The following TTLL5 variants were observed in gnomAD, a reference collection of about 807,000 sequenced individuals.
TTLL5 encodes tubulin polyglutamylase TTLL5.
A neutral mutation model predicts 168.4 loss-of-function variants in TTLL5; 132 were observed. That is an observed-to-expected ratio of 0.78 (90% confidence interval 0.68 to 0.91). The LOEUF is 0.91. Ranked by LOEUF, TTLL5 falls within the 40% of genes least tolerant of loss-of-function variation. TTLL5 has a pLI of 0.00. For synonymous variants in TTLL5, 546 were observed against 558.6 expected (o/e 0.98, Z 0.32); for missense variants, 1,545 against 1,581.5 (o/e 0.98, Z 0.39).
At position 75,707,629 on chromosome 14, in the gene TTLL5, A is replaced by C; in HGVS notation, c.662A>C (p.Lys221Thr). The stretch of plus-strand genomic sequence containing the variant: ...ACAAACTTTTTTTTTTTAGATTTCA[A>C]GTTTGACGTGCGCCTCTATGTGCTC... ...INNPLLIDDF[K>T]FDVRLYVLVT... Residue 221 changes from lysine (K) to threonine (T), a missense_variant, in exon 9 of 32, where the codon AAG (lysine) becomes ACG (threonine). Coordinates refer to ENST00000298832, the MANE Select transcript of TTLL5 (RefSeq NM_015072.5). 6.2e-7 allele frequency: 1 copy of C among 1,602,146 alleles called. No individual in the cohort carries two copies. The highest frequency in any genetic ancestry group is 2.3e-5 in the East Asian group (1 of 44,314).
At chr14:75,929,132 A>G (rs972402352) in intron 31 of TTLL5, among the ~76,000 whole-genome samples, 6 of 152,138 alleles carry the variant, frequency 3.9e-5, no homozygotes, top group African/African-American at 7.2e-5. Flanking sequence ...AGTGGTATCA[A>G]TTTTGTGTAC....
At chr14:75,882,460 C>A (rs556531814) in intron 29 of TTLL5, among the ~76,000 whole-genome samples, 58 of 152,262 alleles carry the variant, frequency 3.8e-4, no homozygotes, top group African/African-American at 1.4e-3. Context: ...TGATTCCTAG[C>A]CCAGTGTACT....
intron 5 of TTLL5, among the ~76,000 whole-genome samples, chr14:75,686,907 C>G (rs1442602552): frequency 6.6e-6 from 1 of 151,920 alleles, no homozygotes; most frequent in East Asian, 1.9e-4. Context: ...CACAGGGGTC[C>G]TAAAATATTT....
intron 24 of TTLL5, among the ~76,000 whole-genome samples, chr14:75,781,970 A>G (rs1892084810): frequency 6.6e-6 from 1 of 151,656 alleles, no homozygotes; most frequent in Non-Finnish European, 1.5e-5. Flanking sequence ...AAAAAAAAAA[A>G]AAAAAAAAAA....
chr14:75,873,100 G>C (rs1242445739), intron 29 of TTLL5, among the ~76,000 whole-genome samples: 1 of 142,080 alleles, frequency 7.0e-6, no homozygotes, highest in Non-Finnish European at 1.5e-5. Context: ...TTGAGACGGA[G>C]TCTCGCTCTG....
At chr14:75,879,578 A>G (rs1016353502) in intron 29 of TTLL5, among the ~76,000 whole-genome samples, 1 of 152,176 alleles carries the variant, frequency 6.6e-6, no homozygotes, top group Non-Finnish European at 1.5e-5. Flanking sequence ...CCAAAAATCC[A>G]ATGAAGTAAT....
intron 27 of TTLL5, among the ~76,000 whole-genome samples, chr14:75,805,134 A>T (rs1893577371): frequency 2.0e-5 from 3 of 152,082 alleles, no homozygotes; most frequent in Non-Finnish European, 1.5e-5. Flanking sequence ...CTCAAAGGCC[A>T]CTCATGACCT....
chr14:75,746,493 A>G (rs1889618829), intron 17 of TTLL5, among the ~76,000 whole-genome samples: 1 of 150,518 alleles, frequency 6.6e-6, no homozygotes, highest in African/African-American at 2.4e-5. Context: ...TCTATGCATA[A>G]TGTCTTTTTT....
intron 28 of TTLL5, among the ~76,000 whole-genome samples, chr14:75,832,185 A>C (rs1229842493): frequency 6.6e-6 from 1 of 152,222 alleles, no homozygotes; most frequent in African/African-American, 2.4e-5. Flanking sequence ...GGCATTGAGC[A>C]CAATGTCAAC....
Position 75,917,317 on chromosome 14 carries a change from G to T in TTLL5, c.3823+15093G>T, listed in dbSNP as rs186719837. On this transcript the variant is annotated intron_variant, in intron 31 of 31. Transcript: ENST00000298832. The stretch of plus-strand genomic sequence containing the variant: ...AAGGCTGAGAGAAGTTAAGTAGCTT[G>T]TCCAAGCCACACGGTCAATGATGGA... 3.9e-5 allele frequency among the ~76,000 whole-genome samples: 6 copies of T among 152,342 alleles called. No individual in the cohort carries two copies. In the East Asian group the frequency reaches 1.2e-3, roughly 29 times the overall value.
At chr14:75,800,690 G>C (rs2140366435) in intron 27 of TTLL5, among the ~76,000 whole-genome samples, 1 of 152,258 alleles carries the variant, frequency 6.6e-6, no homozygotes, top group South Asian at 2.1e-4. Context: ...TCTTCCCCTA[G>C]TAGGGATGGG....
At chr14:75,836,523 A>G (rs1024158778) in intron 28 of TTLL5, among the ~76,000 whole-genome samples, 4 of 152,166 alleles carry the variant, frequency 2.6e-5, no homozygotes, top group East Asian at 3.8e-4. Context: ...TAATTTAATT[A>G]TACATTTTTA....
At chr14:75,894,556 A>G (rs903376463) in intron 30 of TTLL5, among the ~76,000 whole-genome samples, 29 of 152,308 alleles carry the variant, frequency 1.9e-4, no homozygotes, top group Middle Eastern at 3.4e-3. Flanking sequence ...CTCTGTCTCA[A>G]AAAAAAGCAA....
chr14:75,749,042 T>G (rs1889788152), intron 17 of TTLL5, among the ~76,000 whole-genome samples: 1 of 152,204 alleles, frequency 6.6e-6, no homozygotes, highest in African/African-American at 2.4e-5. Context: ...GAAATCGTCC[T>G]TTTATCTTTT....
chr14:75,924,074 G>T (rs1288122467), intron 31 of TTLL5, among the ~76,000 whole-genome samples: 1 of 148,286 alleles, frequency 6.7e-6, no homozygotes, highest in Non-Finnish European at 1.5e-5. Context: ...CATTTGCCTG[G>T]TAGATCTTCG....
At position 75,717,916 on chromosome 14, in the gene TTLL5, C is replaced by A. The variant is rs940338882; in HGVS notation, c.796C>A (p.His266Asn). The change falls in exon 10 of 32, where the codon CAT becomes AAT. Residue 266 changes from histidine (H) to asparagine (N), a missense_variant. By Grantham distance (68) the His-to-Asn change is moderately conservative (BLOSUM62 1). Transcript: ENST00000298832. ...CAAGAACATTCGGAACCAGTTCATG[C>A]ATCTGACAAACTACAGTGTCAACAA... ...GAKNIRNQFM[H>N]LTNYSVNKKS... 6 of 1,613,670 alleles carry A rather than the reference C, an allele frequency of 3.7e-6. No individual in the cohort carries two copies. The highest frequency in any genetic ancestry group is 3.3e-5 in the Admixed American group (2 of 59,982).
intron 27 of TTLL5, among the ~76,000 whole-genome samples, chr14:75,800,990 C>T (rs1329056681): frequency 2.0e-5 from 3 of 151,956 alleles, no homozygotes; most frequent in Non-Finnish European, 2.9e-5. Context: ...CAGGAGGTGG[C>T]GCTTTCAAGA....
In TTLL5 at chr14:75,690,196, T is replaced by C; in HGVS notation, c.376T>C (p.Tyr126His). ...AATACTTTTTTGATTTTTCAGGTCT[T>C]ATGAACTTACCCGGAAGGACCGACT... ...AQKVNHFPRS[Y>H]ELTRKDRLYK... is the part of the protein sequence containing the mutation. Residue 126 changes from tyrosine to histidine, a missense_variant, in exon 6 of 32, where the codon TAT (tyrosine) becomes CAT (histidine). By Grantham distance (83) the Tyr-to-His change is moderately conservative (BLOSUM62 2). Transcript: ENST00000298832. 6.2e-7 allele frequency: 1 copy of C among 1,613,120 alleles called. No individual in the cohort carries two copies.
rs559959345 is a variant in TTLL5 at position 75,733,963 on chromosome 14, GC to G, written c.1125-25del. The G allele has an allele frequency of 4.4e-4, 706 of 1,609,448 alleles. 4 individuals carry two copies. In the African/African-American group the frequency reaches 8.4e-3, roughly 19 times the overall value. On this transcript the variant is annotated intron_variant, in intron 13 of 31. Coordinates refer to ENST00000298832, the MANE Select transcript of TTLL5 (RefSeq NM_015072.5). ...CTGTTAACCTACACACTTATCAATT[GC>G]TCTTTTCTTTCTCTGTTCTGTTAGT...
Sources: allele counts gnomAD v4.1 joint callset (sites outside exome capture counted in the v4.1 genomes callset), GRCh38; gene constraint gnomAD v4.1.1; transcripts MANE v1.5; gene names NCBI Gene and HGNC (gene_info 2026-07-23, HGNC 2026-07-21).